Variants in SCNN1G observed in about 807,000 individuals in gnomAD.
The protein encoded by SCNN1G is epithelial sodium channel subunit gamma.
Under a neutral mutation model 64.6 loss-of-function variants are expected in SCNN1G, and 27 were observed. The ratio of observed to expected loss-of-function variants is 0.42; its 90% CI spans 0.31 to 0.58. The LOEUF (loss-of-function observed/expected upper bound fraction) is 0.58, where lower values mean the gene tolerates loss of function less well. Ranked by LOEUF, SCNN1G falls within the 20% of genes least tolerant of loss-of-function variation. SCNN1G has a pLI of 0.18. For missense variants in SCNN1G, 743 were observed against 823.4 expected, an observed-to-expected ratio of 0.90 and a Z score of 1.19; for synonymous variants, 330 against 314.2, an observed-to-expected ratio of 1.05 and a Z score of -0.53.
rs779662217 is a variant in SCNN1G, at chr16:23,215,043, T to C, written c.1570-46T>C. The C allele has an allele frequency of 5.0e-6, 8 of 1,612,834 alleles. No homozygotes were observed. In the South Asian group the frequency reaches 6.6e-5, roughly 13 times the overall value. ...ATCAGGGTTCCTGTGTGAGGCCAACTTGGGGGGAGGTTCCTCTTGATGGTG... is the reference window on the plus strand; with the variant it reads ...ATCAGGGTTCCTGTGTGAGGCCAACCTGGGGGGAGGTTCCTCTTGATGGTG... On this transcript the variant is annotated intron_variant, in intron 12 of 12. Coordinates refer to ENST00000300061, the MANE Select transcript of SCNN1G (RefSeq NM_001039.4).
chr16:23,192,607 C>T (rs1959727618), intron 4 of SCNN1G, 65 bp downstream of exon 4: 1 of 1,303,568 alleles, frequency 7.7e-7, no homozygotes, highest in Admixed American at 1.9e-5. Context: ...AGGCCCCTTG[C>T]AGGAACCTAC....
chr16:23,209,714 G>C (rs1179873147), intron 6 of SCNN1G, 36 bp from the exon 7 acceptor site: 2 of 1,513,522 alleles, frequency 1.3e-6, no homozygotes, highest in South Asian at 2.2e-5. Flanking sequence ...GGTCCGGGGG[G>C]AGGACAGGGC....
At chr16:23,206,903 G>A (rs1269461090) in intron 6 of SCNN1G, among the ~76,000 whole-genome samples, 1 of 152,146 alleles carries the variant, frequency 6.6e-6, no homozygotes, top group Admixed American at 6.5e-5. Flanking sequence ...CTAGGGGTCA[G>A]GATAGAAGTC....
intron 3 of SCNN1G, 102 bp from the exon 4 acceptor site, chr16:23,192,250 C>A: frequency 1.0e-6 from 1 of 958,952 alleles, no homozygotes; most frequent in Non-Finnish European, 1.7e-6. Context: ...ACCTGTTCCC[C>A]TGAGTATCTG....
Position 23,209,852 on chromosome 16 carries a change from A to C in SCNN1G, c.1176+4A>C. 6.2e-7 allele frequency: 1 copy of C among 1,609,740 alleles called. No homozygotes were observed. Among genetic ancestry groups the C allele is most frequent in the South Asian group, 1.1e-5 (1 of 90,984 alleles). ...CAACGCTGCCTACTCGCTCCAGGTA[A>C]CAGATTGGCAGGGGCACCCAGCCCT... On this transcript the variant is annotated splice_donor_region_variant and intron_variant, in intron 7 of 12. Transcript: ENST00000300061.
intron 2 of SCNN1G, among the ~76,000 whole-genome samples, chr16:23,188,430 T>G (rs1959649564): frequency 6.6e-6 from 1 of 152,124 alleles, no homozygotes; most frequent in Non-Finnish European, 1.5e-5. Context: ...GAGGATTGCT[T>G]GAGCCCAGGA....
At chr16:23,209,962 G>C (rs1567268554) in intron 7 of SCNN1G, 114 bp downstream of exon 7, 1 of 763,172 alleles carries the variant, frequency 1.3e-6, no homozygotes, top group African/African-American at 1.7e-5. Flanking sequence ...GGATCCCTGG[G>C]GTTCATCCAG....
At chr16:23,213,020 G>A in intron 10 of SCNN1G, 82 bp from the exon 11 acceptor site, 1 of 1,526,122 alleles carries the variant, frequency 6.6e-7, no homozygotes, top group Non-Finnish European at 9.1e-7. Context: ...GAGGCTGGGG[G>A]ACAAGTTGGG....
At chr16:23,189,740 C>T in intron 3 of SCNN1G, 69 bp downstream of exon 3, 4 of 1,424,588 alleles carry the variant, frequency 2.8e-6, no homozygotes, top group South Asian at 1.1e-5. Context: ...GGACTCTTCT[C>T]CTTGACCACT....
Position 23,194,127 on chromosome 16 carries a change from T to G in SCNN1G, c.810-44T>G, listed in dbSNP as rs780423264. On this transcript the variant is annotated intron_variant, in intron 4 of 12. Coordinates refer to ENST00000300061, the MANE Select transcript of SCNN1G (RefSeq NM_001039.4). ...CTGCCCTGCCCAACTTCAGCTAAGATGCATGGGGGAGATCCCTTTCTGACC... is the reference window on the plus strand; with the variant it reads ...CTGCCCTGCCCAACTTCAGCTAAGAGGCATGGGGGAGATCCCTTTCTGACC... 5.2e-6 allele frequency: 7 copies of G among 1,339,538 alleles called. No individual in the cohort carries two copies. The South Asian group carries it at 7.0e-5, about 13-fold the overall frequency. 83.0% of individuals were successfully genotyped at this position (1,339,538 alleles called of 1,614,324 possible).
Position 23,215,380 on chromosome 16 carries a change from G to A in SCNN1G, c.1861G>A (p.Gly621Ser), listed in dbSNP as rs139012605. 89 of 1,614,012 alleles carry A rather than the reference G, an allele frequency of 5.5e-5. No individual in the cohort carries two copies. Among genetic ancestry groups the A allele is most frequent in the Non-Finnish European group, 6.5e-5 (77 of 1,180,016 alleles). Residue 621 changes from glycine (G) to serine (S), a missense_variant, in exon 13 of 13, where the codon GGC becomes AGC. Physicochemically the swap from Gly to Ser is moderately conservative, Grantham distance 56. Transcript: ENST00000300061. ...TCCAGCCCTAGGAACCCAAGTGCCC[G>A]GCACACCGCCCCCCAAATACAATAC... The part of the protein sequence containing the change: ...LPPALGTQVP[G>S]TPPPKYNTLR...
intron 6 of SCNN1G, among the ~76,000 whole-genome samples, chr16:23,208,166 A>G (rs1404865759): frequency 6.6e-6 from 1 of 152,138 alleles, no homozygotes; most frequent in Non-Finnish European, 1.5e-5. Context: ...AAGCTAGAGC[A>G]AAATTTAGTA....
At chr16:23,214,141 A>G (rs1018251304) in intron 11 of SCNN1G, among the ~76,000 whole-genome samples, 1 of 152,232 alleles carries the variant, frequency 6.6e-6, no homozygotes, top group African/African-American at 2.4e-5. Context: ...GGCTCAGCCA[A>G]TTATTGACAG....
chr16:23,188,776 G>T (rs1959655620), intron 2 of SCNN1G, among the ~76,000 whole-genome samples: 1 of 152,150 alleles, frequency 6.6e-6, no homozygotes, highest in Non-Finnish European at 1.5e-5. Flanking sequence ...GCAAGTGGGA[G>T]AAAGGAGAGA....
intron 5 of SCNN1G, chr16:23,196,499 A>G (rs1433683621): frequency 2.0e-5 from 3 of 152,444 alleles, no homozygotes; most frequent in African/African-American, 4.8e-5. Flanking sequence ...ACCTGGCCTG[A>G]GGTCCAATTT....
intron 4 of SCNN1G, among the ~76,000 whole-genome samples, chr16:23,192,886 T>C (rs994509465): frequency 4.0e-5 from 6 of 151,596 alleles, no homozygotes; most frequent in Admixed American, 3.9e-4. Flanking sequence ...CTGGCTAACA[T>C]AGCGAGACCC....
At position 23,189,588 on chromosome 16, in the gene SCNN1G, A is replaced by T. The variant is rs773659527; in HGVS notation, c.535A>T (p.Lys179Ter). 6.2e-7 allele frequency: 1 copy of T among 1,614,202 alleles called. No individual in the cohort carries two copies. Residue 179 changes from lysine (K) to a stop codon, truncating the protein, a stop_gained, in exon 3 of 13, where the codon AAG (lysine) becomes TAG (stop). Transcript: ENST00000300061. LOFTEE classifies it high-confidence loss of function. ...GKARDFFTGRKRKVGGSIIHK... is the reference protein window; with the variant it reads ...GKARDFFTGR The stretch of plus-strand genomic sequence containing the variant: ...GGCCAGGGACTTCTTCACAGGGAGG[A>T]AGCGGAAAGTCGGCGGTAGCATCAT...
intron 6 of SCNN1G, among the ~76,000 whole-genome samples, chr16:23,208,051 CTATT>C (rs1351364366): frequency 6.6e-6 from 1 of 152,210 alleles, no homozygotes; most frequent in Non-Finnish European, 1.5e-5. Context: ...AAACTGGTCA[CTATT>C]TATCTTCCAT....
In SCNN1G at chr16:23,194,379, C is replaced by T. The variant is rs563232217; in HGVS notation, c.913+105C>T. 4 of 808,996 alleles carry T rather than the reference C, an allele frequency of 4.9e-6. No homozygotes were observed. In the African/African-American group the frequency reaches 6.7e-5, roughly 14 times the overall value. The allele number at this position is 808,996 out of a possible 1,614,324, so 50.1% of individuals were successfully genotyped here. The stretch of plus-strand genomic sequence containing the variant: ...GCCCTCTGGAAAAGCGGGATCTCTC[C>T]CACTTGGCCAGAAACCAGGGATGCC... On this transcript the variant is annotated intron_variant, in intron 5 of 12. Coordinates refer to ENST00000300061, the MANE Select transcript of SCNN1G (RefSeq NM_001039.4).
Sources: allele counts gnomAD v4.1 joint callset (sites outside exome capture counted in the v4.1 genomes callset), GRCh38; gene constraint gnomAD v4.1.1; transcripts MANE v1.5; gene names NCBI Gene and HGNC (gene_info 2026-07-23, HGNC 2026-07-21).